The following PLCE1 variants were observed in gnomAD, a reference collection of about 807,000 sequenced individuals.
The protein encoded by PLCE1 is 1-phosphatidylinositol 4,5-bisphosphate phosphodiesterase epsilon-1.
Under a neutral mutation model 242.8 loss-of-function variants are expected in PLCE1, and 119 were observed. That is an observed-to-expected ratio of 0.49 (90% confidence interval 0.42 to 0.57). The LOEUF (loss-of-function observed/expected upper bound fraction) is 0.57, where lower values mean the gene tolerates loss of function less well. Among genes scored for constraint, PLCE1 ranks in the 20% least tolerant of loss-of-function variants. PLCE1 has a pLI of 0.00. For missense variants in PLCE1, 2,441 were observed against 2,788.8 expected (o/e 0.88, Z 2.81); for synonymous variants, 945 against 1,017.4 (o/e 0.93, Z 1.35).
At chr10:94,111,350 C>G (rs1418335317) in intron 2 of PLCE1, among the ~76,000 whole-genome samples, 2 of 152,132 alleles carry the variant, frequency 1.3e-5, no homozygotes, top group Non-Finnish European at 2.9e-5. Flanking sequence ...GACTGAGACA[C>G]CAGCAGTTTT....
At chr10:94,224,814 A>G (rs1316464640) in intron 4 of PLCE1, among the ~76,000 whole-genome samples, 1 of 152,248 alleles carries the variant, frequency 6.6e-6, no homozygotes, top group East Asian at 1.9e-4. Context: ...GTGACTTTTA[A>G]CCAAGGAATC....
chr10:94,085,977 T>C (rs2044809454), intron 2 of PLCE1, among the ~76,000 whole-genome samples: 1 of 152,164 alleles, frequency 6.6e-6, no homozygotes, highest in South Asian at 2.1e-4. Flanking sequence ...AAAATATCTC[T>C]CAGTCAACAA....
At chr10:94,272,066 T>A (rs1055177393) in intron 18 of PLCE1, among the ~76,000 whole-genome samples, 12 of 152,170 alleles carry the variant, frequency 7.9e-5, no homozygotes, top group African/African-American at 2.9e-4. Flanking sequence ...GTACGTATTG[T>A]CTTGATAAAC....
intron 19 of PLCE1, 147 bp from the exon 20 acceptor site, chr10:94,279,635 A>C: frequency 9.3e-5 from 69 of 742,090 alleles, no homozygotes; most frequent in Non-Finnish European, 1.3e-4. Flanking sequence ...TTTCGAGGGA[A>C]TCTAGATTTT....
chr10:94,171,165 G>A lies in PLCE1; in HGVS notation c.1493-15G>A. ...CAGATTTGATGTAACCACGACTTCT[G>A]TTGCTTTGTTTTAGAACGCCAGCCA... On this transcript the variant is annotated splice_polypyrimidine_tract_variant and intron_variant, in intron 3 of 32. Transcript: ENST00000371380. 6.2e-7 allele frequency: 1 copy of A among 1,612,490 alleles called. No individual in the cohort carries two copies. The highest frequency in any genetic ancestry group is 1.3e-5 in the African/African-American group (1 of 75,018).
intron 2 of PLCE1, among the ~76,000 whole-genome samples, chr10:94,123,915 A>G (rs1264841094): frequency 1.3e-5 from 2 of 152,156 alleles, no homozygotes; most frequent in Non-Finnish European, 2.9e-5. Context: ...GAACCACATT[A>G]TGGGGAGGAT....
At chr10:94,028,465 T>G (rs1226729971) in intron 1 of PLCE1, among the ~76,000 whole-genome samples, 3 of 152,130 alleles carry the variant, frequency 2.0e-5, no homozygotes, top group African/African-American at 7.2e-5. Flanking sequence ...CATGACTGAT[T>G]CTCAGCAGTC....
intron 4 of PLCE1, among the ~76,000 whole-genome samples, chr10:94,223,580 A>G (rs2049836853): frequency 6.6e-6 from 1 of 152,162 alleles, no homozygotes; most frequent in Non-Finnish European, 1.5e-5. Context: ...AGTACTGAGA[A>G]AAGCAAAAGG....
intron 19 of PLCE1, 53 bp downstream of exon 19, chr10:94,273,773 A>T: frequency 1.3e-6 from 2 of 1,487,242 alleles, no homozygotes; most frequent in East Asian, 4.5e-5. Context: ...TAGAACAAAG[A>T]AAAATAACAT....
chr10:94,293,672 A>AT, intron 23 of PLCE1, 33 bp downstream of exon 23: 1 of 1,609,590 alleles, frequency 6.2e-7, no homozygotes, highest in Middle Eastern at 1.7e-4. Context: ...TCTTTGCTTG[A>AT]TTCTGCATGC....
rs368955437 is a variant in PLCE1 at position 94,255,005 on chromosome 10, A to T, written c.3510A>T (p.Pro1170=). The T allele has an allele frequency of 1.9e-6, 3 of 1,614,062 alleles. No homozygotes were observed. In the East Asian group the frequency reaches 6.7e-5, roughly 36 times the overall value. Residue 1170 remains proline, a synonymous_variant, in exon 11 of 33, where the codon CCA becomes CCT. Transcript: ENST00000371380. ...CCGGGACGTCATCTCCCATCAGGCC[A>T]GTGTCCTCCCCTGTGCTGTCTTCTT... ...LAAGTSSPIR[P]VSSPVLSSSN...
chr10:93,996,228 C>G (rs1172782909), intron 1 of PLCE1, among the ~76,000 whole-genome samples: 1 of 152,218 alleles, frequency 6.6e-6, no homozygotes, highest in African/African-American at 2.4e-5. Flanking sequence ...GGAACTACTT[C>G]TGCGGTGGAA....
intron 25 of PLCE1, 57 bp downstream of exon 25, chr10:94,304,702 G>A: frequency 7.1e-6 from 11 of 1,553,046 alleles, no homozygotes; most frequent in East Asian, 2.2e-5. Context: ...TCCTGAAAAC[G>A]AACTGGTTTT....
chr10:94,052,010 T>TC (rs1486535920), intron 2 of PLCE1, among the ~76,000 whole-genome samples: 3 of 152,248 alleles, frequency 2.0e-5, no homozygotes, highest in African/African-American at 7.2e-5. Flanking sequence ...GTCTAGGTTT[T>TC]CAGCTCCTTC....
intron 1 of PLCE1, among the ~76,000 whole-genome samples, chr10:94,030,365 C>T (rs2061532479): frequency 1.3e-5 from 2 of 149,094 alleles, no homozygotes; most frequent in African/African-American, 2.5e-5. Context: ...GGGCTCACTT[C>T]TTTTTTTTTT....
intron 4 of PLCE1, among the ~76,000 whole-genome samples, chr10:94,201,917 A>G (rs2048999123): frequency 6.6e-6 from 1 of 152,196 alleles, no homozygotes; most frequent in South Asian, 2.1e-4. Flanking sequence ...TTCCTTTCTA[A>G]GACTTAAATA....
chr10:94,248,505 G>T (rs145417771), intron 8 of PLCE1, among the ~76,000 whole-genome samples: 1 of 152,194 alleles, frequency 6.6e-6, no homozygotes, highest in Non-Finnish European at 1.5e-5. Context: ...CAGGAGAATC[G>T]CTTGAGCCTG....
At chr10:94,019,986 C>T (rs2061349420) in intron 1 of PLCE1, among the ~76,000 whole-genome samples, 1 of 152,164 alleles carries the variant, frequency 6.6e-6, no homozygotes, top group African/African-American at 2.4e-5. Flanking sequence ...TTGTATAAGT[C>T]TGCTTATGGA....
At chr10:94,250,150 A>G (rs1366847509) in intron 8 of PLCE1, among the ~76,000 whole-genome samples, 1 of 144,876 alleles carries the variant, frequency 6.9e-6, no homozygotes, top group African/African-American at 2.5e-5. Flanking sequence ...AAAAAAAAAA[A>G]CTGTTTTCTA....
Sources: allele counts gnomAD v4.1 joint callset (sites outside exome capture counted in the v4.1 genomes callset), GRCh38; gene constraint gnomAD v4.1.1; transcripts MANE v1.5; gene names NCBI Gene and HGNC (gene_info 2026-07-23, HGNC 2026-07-21).